The following OLFM3 variants were observed in gnomAD, a reference collection of about 807,000 sequenced individuals.
OLFM3 encodes the protein olfactomedin 3, also known as noelin-3.
A neutral mutation model predicts 48.6 loss-of-function variants in OLFM3; 20 were observed. The observed-to-expected ratio is 0.41, with a 90% CI of 0.29 to 0.60. OLFM3 has a LOEUF of 0.60. OLFM3 is among the 20% of genes least tolerant of loss of function. The pLI is 0.28. For synonymous variants in OLFM3, 222 were observed against 198.1 expected (o/e 1.12, Z -1.01); for missense variants, 437 against 544.3 (o/e 0.80, Z 1.96).
At chr1:101,974,789 G>T (rs981505747) in intron 1 of OLFM3, among the ~76,000 whole-genome samples, 20 of 151,942 alleles carry the variant, frequency 1.3e-4, no homozygotes, top group African/African-American at 4.8e-4. Context: ...TTTGGTCCTG[G>T]GTTCACAACT....
intron 1 of OLFM3, among the ~76,000 whole-genome samples, chr1:101,914,892 T>C (rs1014901876): frequency 1.3e-5 from 2 of 152,222 alleles, no homozygotes; most frequent in Non-Finnish European, 2.9e-5. Context: ...TGTAGAATGG[T>C]AATTTAAATG....
At chr1:101,811,703 A>T (rs1478755100) in intron 4 of OLFM3, among the ~76,000 whole-genome samples, 1 of 152,154 alleles carries the variant, frequency 6.6e-6, no homozygotes, top group Non-Finnish European at 1.5e-5. Context: ...GCTGGAGGGG[A>T]TGTGGAGAAA....
intron 1 of OLFM3, among the ~76,000 whole-genome samples, chr1:101,845,083 T>G (rs1249257239): frequency 6.6e-6 from 1 of 152,146 alleles, no homozygotes; most frequent in African/African-American, 2.4e-5. Flanking sequence ...TGAATACCAT[T>G]TACTGGTTTA....
intron 1 of OLFM3, among the ~76,000 whole-genome samples, chr1:101,934,019 A>G (rs1485747755): frequency 6.6e-6 from 1 of 152,252 alleles, no homozygotes; most frequent in African/African-American, 2.4e-5. Context: ...ATCACATGTA[A>G]ATAGATTAAC....
intron 1 of OLFM3, among the ~76,000 whole-genome samples, chr1:101,973,501 A>G (rs1325316872): frequency 1.3e-5 from 2 of 152,190 alleles, no homozygotes; most frequent in African/African-American, 4.8e-5. Flanking sequence ...TCACAAACAT[A>G]CCTAGAAATA....
Position 101,804,785 on chromosome 1 carries a change from A to G in OLFM3, c.830T>C (p.Val277Ala). 1 of 1,612,696 alleles carries G rather than the reference A, an allele frequency of 6.2e-7. No homozygotes were observed. Among genetic ancestry groups the G allele is most frequent in the East Asian group, 2.2e-5 (1 of 44,824 alleles). ...PFKWAGTNHVVYNGSLYFNKY... is the reference protein window; with the variant it reads ...PFKWAGTNHVAYNGSLYFNKY... Reference sequence around the variant, plus strand: ...GTTAAAATAGAGTGAGCCATTGTAGACAACATGGTTAGTTCCTGCCCACTT... The same window carrying G: ...GTTAAAATAGAGTGAGCCATTGTAGGCAACATGGTTAGTTCCTGCCCACTT... The change falls in exon 6 of 6, where the codon GTC (valine) becomes GCC (alanine). Residue 277 changes from valine (V) to alanine (A), a missense_variant. This residue lies in a region of OLFM3 where 314 missense variants were observed against 365.5 expected (regional missense o/e 0.86). Transcript: ENST00000370103. The surrounding 1 kb of genome is among the most constrained non-coding windows in gnomAD (Gnocchi z 4.5).
In OLFM3 at chr1:101,804,468, T is replaced by A. The variant is rs1653661353; in HGVS notation, c.1147A>T (p.Thr383Ser). 1 of 1,612,594 alleles carries A rather than the reference T, an allele frequency of 6.2e-7. No individual in the cohort carries two copies. The highest frequency in any genetic ancestry group is 8.5e-7 in the Non-Finnish European group (1 of 1,179,068). The change falls in exon 6 of 6, where the codon ACA (threonine) becomes TCA (serine). Residue 383 changes from threonine to serine, a missense_variant. By Grantham distance (58) the Thr-to-Ser change is moderately conservative. Coordinates refer to ENST00000370103, the MANE Select transcript of OLFM3 (RefSeq NM_058170.4). This position sits in a 1 kb window ranked among gnomAD's most constrained non-coding sequence, Gnocchi z 4.5. Reference sequence around the variant, plus strand: ...AAGTGGGAGTTGGTGACATACAGTGTCCCACAGATCATGAAAGATTCCCCT... The same window carrying A: ...AAGTGGGAGTTGGTGACATACAGTGACCCACAGATCATGAAAGATTCCCCT... ...SAGESFMICG[T>S]LYVTNSHLTG...
intron 4 of OLFM3, among the ~76,000 whole-genome samples, chr1:101,822,641 T>G (rs962355395): frequency 2.0e-5 from 3 of 152,202 alleles, no homozygotes; most frequent in Admixed American, 6.6e-5. Flanking sequence ...TCTGGATATT[T>G]CTTTGTAAAC....
At chr1:101,834,932 C>T (rs926061284) in intron 2 of OLFM3, among the ~76,000 whole-genome samples, 1 of 152,154 alleles carries the variant, frequency 6.6e-6, no homozygotes, top group Non-Finnish European at 1.5e-5. Flanking sequence ...CTATGAAATA[C>T]ATTTTACTTT....
intron 1 of OLFM3, among the ~76,000 whole-genome samples, chr1:101,983,406 C>T (rs1244826682): frequency 1.3e-5 from 2 of 152,280 alleles, no homozygotes; most frequent in South Asian, 2.1e-4. Flanking sequence ...CTCCTTGTGT[C>T]TTATACAGGT....
At chr1:101,967,843 G>A (rs971380203) in intron 1 of OLFM3, among the ~76,000 whole-genome samples, 5 of 152,088 alleles carry the variant, frequency 3.3e-5, no homozygotes, top group African/African-American at 4.8e-5. Flanking sequence ...GGAGTTGGGG[G>A]AGGTGGTATG....
At chr1:101,977,754 G>A (rs369552916) in intron 1 of OLFM3, among the ~76,000 whole-genome samples, 1 of 151,938 alleles carries the variant, frequency 6.6e-6, no homozygotes, top group South Asian at 2.1e-4. Context: ...ATCAAATATA[G>A]CCTTTTATGT....
At chr1:101,858,134 C>T (rs2100958355) in intron 1 of OLFM3, among the ~76,000 whole-genome samples, 1 of 152,118 alleles carries the variant, frequency 6.6e-6, no homozygotes, top group African/African-American at 2.4e-5. Flanking sequence ...TCTTACAGGA[C>T]TGGTTAATAA....
intron 1 of OLFM3, among the ~76,000 whole-genome samples, chr1:101,902,618 A>C (rs1658425366): frequency 6.6e-6 from 1 of 152,128 alleles, no homozygotes; most frequent in African/African-American, 2.4e-5. Flanking sequence ...TACAAAGAAA[A>C]GAAGTGGAAG....
intron 1 of OLFM3, among the ~76,000 whole-genome samples, chr1:101,964,360 T>C (rs1660553595): frequency 6.6e-6 from 1 of 151,996 alleles, no homozygotes; most frequent in Non-Finnish European, 1.5e-5. Flanking sequence ...CAACAAAGGG[T>C]TTGCAGTTTA....
intron 1 of OLFM3, among the ~76,000 whole-genome samples, chr1:101,980,901 A>G (rs571957117): frequency 2.6e-5 from 4 of 152,246 alleles, no homozygotes; most frequent in Non-Finnish European, 5.9e-5. Context: ...TTCAATGTAT[A>G]TGAAAGATTC....
chr1:101,804,017 AC>A lies in OLFM3; in HGVS notation c.*220del, dbSNP rs1338979856. The stretch of plus-strand genomic sequence containing the variant: ...CTTTTTTTTTTTAGTGCTTTTCATG[AC>A]AAGGACATGATAGGCCTTGTAAATT... On this transcript the variant is annotated 3_prime_UTR_variant, in exon 6 of 6. Transcript: ENST00000370103. This position sits in a 1 kb window ranked among gnomAD's most constrained non-coding sequence, Gnocchi z 4.5. 2 of 353,360 alleles carry A rather than the reference AC, an allele frequency of 5.7e-6. No individual in the cohort carries two copies. Among genetic ancestry groups the A allele is most frequent in the Non-Finnish European group, 1.0e-5 (2 of 197,756 alleles). 21.9% of individuals were successfully genotyped at this position (353,360 alleles called of 1,614,324 possible). A position where few individuals can be genotyped will look rare whatever the true frequency, so the allele number is the denominator to read the frequency against.
At chr1:101,931,366 A>G (rs1256510404) in intron 1 of OLFM3, among the ~76,000 whole-genome samples, 1 of 152,146 alleles carries the variant, frequency 6.6e-6, no homozygotes, top group African/African-American at 2.4e-5. Flanking sequence ...GCTCTTGTAG[A>G]GGGTGGGAAA....
chr1:101,924,006 T>A (rs554225726), intron 1 of OLFM3, among the ~76,000 whole-genome samples: 1 of 152,166 alleles, frequency 6.6e-6, no homozygotes, highest in African/African-American at 2.4e-5. Flanking sequence ...GAATATTGCT[T>A]TAAGTGCAGT....
Sources: allele counts gnomAD v4.1 joint callset (sites outside exome capture counted in the v4.1 genomes callset), GRCh38; gene constraint gnomAD v4.1.1; regional missense constraint gnomAD v4.1.1; non-coding constraint Gnocchi (gnomAD v3.1); transcripts MANE v1.5; gene names NCBI Gene and HGNC (gene_info 2026-07-23, HGNC 2026-07-21).